The following ITGAD variants were observed in gnomAD, a reference collection of about 807,000 sequenced individuals.
ITGAD encodes the protein integrin alpha-D.
ITGAD carries 105 observed loss-of-function variants against 139.0 expected under a neutral mutation model. That is an observed-to-expected ratio of 0.76 (90% CI 0.65 to 0.89). The LOEUF (loss-of-function observed/expected upper bound fraction) is 0.89, where lower values mean the gene tolerates loss of function less well. ITGAD is among the 40% of genes least tolerant of loss of function. The pLI is 0.00. For missense variants in ITGAD, 1,384 were observed against 1,487.3 expected, an observed-to-expected ratio of 0.93 and a Z score of 1.14; for synonymous variants, 569 against 598.3, an observed-to-expected ratio of 0.95 and a Z score of 0.71.
At chr16:31,408,729 T>C (rs1287112103) in intron 10 of ITGAD, 1 of 511,798 alleles carries the variant, frequency 2.0e-6, no homozygotes, top group East Asian at 3.4e-5. Flanking sequence ...CAAGAGCCTC[T>C]CAGATAGCAC....
chr16:31,415,848 T>C (rs1219048603), intron 18 of ITGAD, among the ~76,000 whole-genome samples: 1 of 152,200 alleles, frequency 6.6e-6, no homozygotes, highest in African/African-American at 2.4e-5. Context: ...GAGGCTGTCT[T>C]GGGACTGTAG....
intron 19 of ITGAD, 87 bp downstream of exon 19, chr16:31,416,373 T>A: frequency 1.3e-6 from 2 of 1,507,888 alleles, no homozygotes; most frequent in Non-Finnish European, 1.8e-6. Context: ...TCTGGCTCTT[T>A]CTAACAAAAG....
intron 14 of ITGAD, among the ~76,000 whole-genome samples, chr16:31,411,907 T>G (rs1349184192): frequency 6.6e-6 from 1 of 152,206 alleles, no homozygotes; most frequent in Non-Finnish European, 1.5e-5. Context: ...CTGCACTCAC[T>G]GAAGGTTCAT....
rs1489576969 is a variant in ITGAD at position 31,410,901 on chromosome 16, G to C, written c.1356+23G>C. The C allele has an allele frequency of 3.1e-6, 5 of 1,610,472 alleles. No homozygotes were observed. In the South Asian group the frequency reaches 4.4e-5, roughly 14 times the overall value. On this transcript the variant is annotated intron_variant, in intron 12 of 29. Coordinates refer to ENST00000389202, the MANE Select transcript of ITGAD (RefSeq NM_005353.3). The stretch of plus-strand genomic sequence containing the variant: ...CAGGTTGGGCGTGACAGGAGCCAGA[G>C]GGGAGGATGAGGGTGGGGAGGATGA...
chr16:31,410,256 C>A, intron 10 of ITGAD, 139 bp from the exon 11 acceptor site: 1 of 1,147,350 alleles, frequency 8.7e-7, no homozygotes, highest in Non-Finnish European at 1.2e-6. Flanking sequence ...CAGGCAGAGG[C>A]ACAGAGGCTG....
chr16:31,423,182 A>G lies in ITGAD; in HGVS notation c.2849A>G (p.His950Arg), dbSNP rs777091208. Residue 950 changes from histidine to arginine, a missense_variant, in exon 24 of 30, where the codon CAT (histidine) becomes CGT (arginine). His to Arg is a conservative substitution (Grantham distance 29, BLOSUM62 0). Transcript: ENST00000389202. ...SDEKKMKEAE[H>R]RYRVNNLSQR... ...GAGAAGAAAATGAAAGAGGCTGAGC[A>G]TCGATACCGTGTGAGAGTCTAGGGA... 5.0e-6 allele frequency: 8 copies of G among 1,613,960 alleles called. No individual in the cohort carries two copies. In the South Asian group the frequency reaches 7.7e-5, roughly 16 times the overall value.
Position 31,407,401 on chromosome 16 carries a change from T to C in ITGAD, c.705-114T>C, listed in dbSNP as rs1221141802. On this transcript the variant is annotated intron_variant, in intron 7 of 29. Coordinates refer to ENST00000389202, the MANE Select transcript of ITGAD (RefSeq NM_005353.3). ...AAAATCAATTCCTTAACATGCCTGA[T>C]AGAATGTGAGGGTGCCAGGACTCCC... 5.1e-6 allele frequency: 5 copies of C among 986,728 alleles called. No individual in the cohort carries two copies. The East Asian group carries it at 1.2e-4, about 24-fold the overall frequency. 61.1% of individuals were successfully genotyped at this position (986,728 alleles called of 1,614,324 possible). A position where few individuals can be genotyped will look rare whatever the true frequency, so the allele number is the denominator to read the frequency against.
chr16:31,421,813 C>T (rs1163985913), intron 23 of ITGAD, among the ~76,000 whole-genome samples: 3 of 152,146 alleles, frequency 2.0e-5, no homozygotes, highest in Non-Finnish European at 4.4e-5. Flanking sequence ...CGGTTTGACA[C>T]TGGAGCCCAT....
intron 1 of ITGAD, 72 bp downstream of exon 1, chr16:31,393,463 G>A: frequency 6.5e-7 from 1 of 1,544,872 alleles, no homozygotes; most frequent in South Asian, 1.1e-5. Flanking sequence ...AGGGCAGGCT[G>A]GGGGCTGGTG....
chr16:31,423,882 A>C lies in ITGAD; in HGVS notation c.3083A>C (p.Asp1028Ala). The C allele has an allele frequency of 6.2e-7, 1 of 1,614,066 alleles. No homozygotes were observed. The highest frequency in any genetic ancestry group is 8.5e-7 in the Non-Finnish European group (1 of 1,180,020). Residue 1028 changes from aspartate to alanine, a missense_variant, in exon 27 of 30, where the codon GAC becomes GCC. By Grantham distance (126) the Asp-to-Ala change is moderately radical. Coordinates refer to ENST00000389202, the MANE Select transcript of ITGAD (RefSeq NM_005353.3). ...SIADCLQFRC[D>A]VPSFSVQEEL... ...GCTGACTGCCTGCAGTTCCGCTGTG[A>C]CGTCCCCTCCTTCAGCGTCCAGGAG...
rs536357746 is a variant in ITGAD at position 31,408,505 on chromosome 16, A to G, written c.1083+7A>G. On this transcript the variant is annotated splice_region_variant and intron_variant, in intron 10 of 29. Transcript: ENST00000389202. ...CAGCACAGCCCTCACAATGGTGGGT[A>G]GAGCCTGCCCTCAATCCATAGCTCT... 28 of 1,612,780 alleles carry G rather than the reference A, an allele frequency of 1.7e-5. No homozygotes were observed. In the South Asian group the frequency reaches 3.0e-4, roughly 17 times the overall value.
At position 31,411,348 on chromosome 16, in the gene ITGAD, A is replaced by C. The variant is rs756767854; in HGVS notation, c.1538A>C (p.Gln513Pro). 2 of 1,613,792 alleles carry C rather than the reference A, an allele frequency of 1.2e-6. No individual in the cohort carries two copies. The highest frequency in any genetic ancestry group is 2.2e-5 in the South Asian group (2 of 91,074). Residue 513 changes from glutamine to proline, a missense_variant, in exon 14 of 30, where the codon CAG (glutamine) becomes CCG (proline). Physicochemically the swap from Gln to Pro is moderately conservative, Grantham distance 76. Coordinates refer to ENST00000389202, the MANE Select transcript of ITGAD (RefSeq NM_005353.3). ...TGTGACGCTGTTCTCCGTGGTGAGCAGGGCCACCCCTGGGGCCGCTTTGGG... is the reference window on the plus strand; with the variant it reads ...TGTGACGCTGTTCTCCGTGGTGAGCCGGGCCACCCCTGGGGCCGCTTTGGG... ...WQCDAVLRGEQGHPWGRFGAA... is the reference protein window; with the variant it reads ...WQCDAVLRGEPGHPWGRFGAA...
At chr16:31,424,409 G>A in intron 28 of ITGAD, 58 bp from the exon 29 acceptor site, 1 of 1,449,816 alleles carries the variant, frequency 6.9e-7, no homozygotes, top group Non-Finnish European at 9.7e-7. Flanking sequence ...AAAGGTTGCG[G>A]AACCTGGGAG....
At chr16:31,417,610 G>A (rs1024437190) in intron 20 of ITGAD, among the ~76,000 whole-genome samples, 2 of 150,960 alleles carry the variant, frequency 1.3e-5, no homozygotes, top group Non-Finnish European at 2.9e-5. Flanking sequence ...AAAATTTTTT[G>A]TATGGGTCAA....
intron 14 of ITGAD, 139 bp downstream of exon 14, chr16:31,411,656 C>A: frequency 2.4e-6 from 2 of 819,170 alleles, no homozygotes; most frequent in Non-Finnish European, 3.9e-6. Context: ...TCTCTCTTCT[C>A]TCCTTTGTTC....
At position 31,413,181 on chromosome 16, in the gene ITGAD, G is replaced by A. The variant is rs2142772090; in HGVS notation, c.1931G>A (p.Ser644Asn). ...AVYRCWEEKP[S>N]ALEAGDATVC... ...TACCGGTGCTGGGAAGAGAAGCCCA[G>A]TGCCCTGGAAGCTGGGGACGCCACC... is the stretch of plus-strand genomic sequence containing the variant. Residue 644 changes from serine (S) to asparagine (N), a missense_variant, in exon 16 of 30, where the codon AGT (serine) becomes AAT (asparagine). Physicochemically the swap from Ser to Asn is conservative, Grantham distance 46 (BLOSUM62 1). Coordinates refer to ENST00000389202, the MANE Select transcript of ITGAD (RefSeq NM_005353.3). 2 of 1,614,178 alleles carry A rather than the reference G, an allele frequency of 1.2e-6. No homozygotes were observed. The highest frequency in any genetic ancestry group is 1.1e-5 in the South Asian group (1 of 91,080).
Position 31,402,189 on chromosome 16 carries a change from C to G in ITGAD, c.502C>G (p.Gln168Glu). Residue 168 changes from glutamine to glutamate, a missense_variant, in exon 6 of 30, where the codon CAG becomes GAG. Coordinates refer to ENST00000389202, the MANE Select transcript of ITGAD (RefSeq NM_005353.3). ...SGSIDQNDFN[Q>E]MKGFVQAVMG... ...AAGCATTGACCAAAATGACTTTAAC[C>G]AGATGAAGGGCTTTGTCCAAGCTGT... 2 of 1,612,806 alleles carry G rather than the reference C, an allele frequency of 1.2e-6. No individual in the cohort carries two copies. Among genetic ancestry groups the G allele is most frequent in the South Asian group, 2.2e-5 (2 of 91,060 alleles).
intron 18 of ITGAD, among the ~76,000 whole-genome samples, chr16:31,415,255 G>T (rs1403040635): frequency 6.6e-6 from 1 of 152,004 alleles, no homozygotes; most frequent in Non-Finnish European, 1.5e-5. Flanking sequence ...ACACGAAATG[G>T]TTCCCATATC....
intron 10 of ITGAD, 182 bp downstream of exon 10, chr16:31,408,680 C>CTCTCAAGGATCATGTAT (rs1411711699): frequency 6.9e-6 from 4 of 580,998 alleles, no homozygotes; most frequent in Non-Finnish European, 1.2e-5. Context: ...TGGGTTCCTG[C>CTCTCAAGGATCATGTAT]TCTCAAGGAT....
Sources: allele counts gnomAD v4.1 joint callset (sites outside exome capture counted in the v4.1 genomes callset), GRCh38; gene constraint gnomAD v4.1.1; transcripts MANE v1.5; gene names NCBI Gene and HGNC (gene_info 2026-07-23, HGNC 2026-07-21).